The following PRDM1 variants were observed in gnomAD, a reference collection of about 807,000 sequenced individuals.
The protein encoded by PRDM1 is PR/SET domain 1.
Under a neutral mutation model 62.8 loss-of-function variants are expected in PRDM1, and 13 were observed. That is an observed-to-expected ratio of 0.21 (90% CI 0.13 to 0.33). The LOEUF is 0.33. Ranked by LOEUF, PRDM1 falls within the 10% of genes least tolerant of loss-of-function variation. PRDM1 has a pLI of 1.00. For synonymous variants in PRDM1, 396 were observed against 417.6 expected, an observed-to-expected ratio of 0.95 and a Z score of 0.63; for missense variants, 895 against 1,058.8, an observed-to-expected ratio of 0.85 and a Z score of 2.15.
intron 1 of PRDM1, among the ~76,000 whole-genome samples, chr6:106,004,746 G>C (rs912385611): frequency 6.6e-6 from 1 of 152,120 alleles, no homozygotes; most frequent in African/African-American, 2.4e-5. Flanking sequence ...TAACATGTTA[G>C]AGTCATCAAA....
intron 1 of PRDM1, among the ~76,000 whole-genome samples, chr6:106,058,341 A>ACT (rs1446272543): frequency 6.6e-6 from 1 of 152,156 alleles, no homozygotes; most frequent in Non-Finnish European, 1.5e-5. Context: ...GAGTGAGAGA[A>ACT]CTCTCTGAGA....
At chr6:106,028,917 T>C (rs1182309516) in intron 1 of PRDM1, among the ~76,000 whole-genome samples, 2 of 148,268 alleles carry the variant, frequency 1.3e-5, no homozygotes, top group African/African-American at 5.0e-5. Context: ...TTTCTTTCCT[T>C]CTTTTTTTTT....
At chr6:106,002,528 A>G (rs1208548056) in intron 1 of PRDM1, among the ~76,000 whole-genome samples, 1 of 152,192 alleles carries the variant, frequency 6.6e-6, no homozygotes, top group Non-Finnish European at 1.5e-5. Context: ...ATTAGAAATG[A>G]ATTTTAATGT....
chr6:106,039,173 T>C (rs1195515562), intron 1 of PRDM1, among the ~76,000 whole-genome samples: 2 of 152,184 alleles, frequency 1.3e-5, no homozygotes, highest in Non-Finnish European at 2.9e-5. Context: ...GAAACAGCTA[T>C]GTTATAAGAA....
upstream of PRDM1, among the ~76,000 whole-genome samples, chr6:106,083,164 G>A (rs1370383361): frequency 3.6e-5 from 5 of 138,964 alleles, no homozygotes; most frequent in East Asian, 2.4e-4. Context: ...GTCCCCAAAT[G>A]TTTACCAGCA....
Position 106,107,644 on chromosome 6 carries a change from A to G in PRDM1, c.*158A>G. 3 of 489,470 alleles carry G rather than the reference A, an allele frequency of 6.1e-6. No homozygotes were observed. Among genetic ancestry groups the G allele is most frequent in the South Asian group, 4.5e-5 (1 of 22,182 alleles). The allele number at this position is 489,470 out of a possible 1,614,324, so 30.3% of individuals were successfully genotyped here. On this transcript the variant is annotated 3_prime_UTR_variant, in exon 7 of 7. Coordinates refer to ENST00000369096, the MANE Select transcript of PRDM1 (RefSeq NM_001198.4). ...GAATTAAAGAAGGAACTCCAAAGTT[A>G]CTGAAATCTCAGGGCATGAACAAGG...
At chr6:105,998,478 A>AAT (rs1772377945) in intron 1 of PRDM1, among the ~76,000 whole-genome samples, 1 of 152,240 alleles carries the variant, frequency 6.6e-6, no homozygotes, top group South Asian at 2.1e-4. Context: ...AACATAAATT[A>AAT]ATATATAAGG....
chr6:105,998,921 ATATATATATATATTTTTT>A (rs1248416206), intron 1 of PRDM1, among the ~76,000 whole-genome samples: 6 of 2,778 alleles, frequency 2.2e-3, no homozygotes, highest in Non-Finnish European at 4.8e-3. Context: ...ATATATATAT[ATATATATATATATTTTTT>A]TTTTTTTTTT....
chr6:106,089,054 G>C (rs189733346), intron 2 of PRDM1, among the ~76,000 whole-genome samples: 53 of 152,304 alleles, frequency 3.5e-4, no homozygotes, highest in Non-Finnish European at 5.1e-4. Flanking sequence ...CTGGGGCTGG[G>C]CTGGCAGGCC....
rs78308602 is a variant in PRDM1 at position 106,105,731 on chromosome 6, C to G, written c.1571C>G (p.Thr524Arg). ...TCTCCCACGGCGGGAACAGCCGCCA[C>G]GGCAGAACATGTGGTGCAGCCCAAA... is the stretch of plus-strand genomic sequence containing the variant. The part of the protein sequence containing the change: ...SGSPTAGTAA[T>R]AEHVVQPKAT... Residue 524 changes from threonine (T) to arginine (R), a missense_variant, in exon 5 of 7, where the codon ACG (threonine) becomes AGG (arginine). This residue lies in a region of PRDM1 where 444 missense variants were observed against 422.7 expected (regional missense o/e 1.05). Coordinates refer to ENST00000369096, the MANE Select transcript of PRDM1 (RefSeq NM_001198.4). The G allele has an allele frequency of 3.3e-4, 533 of 1,613,930 alleles. 1 individual carries two copies. In the African/African-American group the frequency reaches 6.2e-3, roughly 19 times the overall value.
chr6:106,056,005 A>AT (rs141280328), intron 1 of PRDM1, among the ~76,000 whole-genome samples: 7,272 of 152,142 alleles, frequency 0.048, 182 homozygotes, highest in Non-Finnish European at 0.059. Flanking sequence ...CTTAAGAACA[A>AT]TTTTTTTTAA....
chr6:106,039,187 C>G (rs1562150353), intron 1 of PRDM1, among the ~76,000 whole-genome samples: 1 of 151,990 alleles, frequency 6.6e-6, no homozygotes, highest in Non-Finnish European at 1.5e-5. Context: ...ATAAGAAGTC[C>G]CTTTGATTGC....
chr6:106,024,537 A>G (rs1772740976), intron 1 of PRDM1, among the ~76,000 whole-genome samples: 1 of 152,228 alleles, frequency 6.6e-6, no homozygotes, highest in South Asian at 2.1e-4. Context: ...TTCTTATAAG[A>G]CAGACATGTG....
chr6:106,035,888 A>C (rs1287896140), intron 1 of PRDM1, among the ~76,000 whole-genome samples: 1 of 152,096 alleles, frequency 6.6e-6, no homozygotes, highest in African/African-American at 2.4e-5. Flanking sequence ...TGATGAAGTG[A>C]GACTTCTGTC....
intron 1 of PRDM1, among the ~76,000 whole-genome samples, chr6:106,061,124 G>A (rs1773338728): frequency 6.6e-6 from 1 of 152,286 alleles, no homozygotes; most frequent in Admixed American, 6.5e-5. Flanking sequence ...AGCCATGGCA[G>A]TTAGATGGTT....
chr6:106,053,867 GA>G (rs1773221106), intron 1 of PRDM1, among the ~76,000 whole-genome samples: 1 of 145,538 alleles, frequency 6.9e-6, no homozygotes, highest in Non-Finnish European at 1.5e-5. Context: ...ACTCTGGGTA[GA>G]AAGTTCATGC....
At chr6:106,099,187 T>G in intron 3 of PRDM1, 113 bp from the exon 4 acceptor site, 1 of 1,600,496 alleles carries the variant, frequency 6.2e-7, no homozygotes, top group Non-Finnish European at 8.6e-7. Context: ...TTTTTCTAAC[T>G]AGGCAGTAGG....
intron 1 of PRDM1, among the ~76,000 whole-genome samples, chr6:106,031,708 GC>G (rs960221163): frequency 1.3e-5 from 2 of 152,194 alleles, no homozygotes; most frequent in African/African-American, 4.8e-5. Flanking sequence ...TGAGGCTTGG[GC>G]TATCTCCAAG....
At chr6:106,055,320 C>CTGA (rs752585276) in intron 1 of PRDM1, among the ~76,000 whole-genome samples, 3 of 152,130 alleles carry the variant, frequency 2.0e-5, no homozygotes, top group Non-Finnish European at 2.9e-5. Context: ...TGAACAAAAT[C>CTGA]TGATCATTAC....
Sources: allele counts gnomAD v4.1 joint callset (sites outside exome capture counted in the v4.1 genomes callset), GRCh38; gene constraint gnomAD v4.1.1; regional missense constraint gnomAD v4.1.1; transcripts MANE v1.5; gene names NCBI Gene and HGNC (gene_info 2026-07-23, HGNC 2026-07-21).